Variants in LY86 observed in about 807,000 individuals in gnomAD.
The protein encoded by LY86 is lymphocyte antigen 86, also known as MD-1, RP105-associated.
A neutral mutation model predicts 17.3 loss-of-function variants in LY86; 20 were observed. That is an observed-to-expected ratio of 1.15 (90% CI 0.81 to 1.68). LY86 has a LOEUF of 1.68. Ranked by LOEUF, LY86 falls within the 40% of genes most tolerant of loss-of-function variation. LY86 has a pLI of 0.00. For synonymous variants in LY86, 74 were observed against 70.6 expected, an observed-to-expected ratio of 1.05 and a Z score of -0.24; for missense variants, 200 against 191.9, an observed-to-expected ratio of 1.04 and a Z score of -0.25.
intron 1 of LY86, among the ~76,000 whole-genome samples, chr6:6,605,589 CAT>C (rs770607688): frequency 2.2e-4 from 33 of 152,372 alleles, no homozygotes; most frequent in African/African-American, 4.8e-4. Flanking sequence ...TGACAGCTGT[CAT>C]AGTCTCATGA....
rs114076510 is a variant in LY86, at chr6:6,653,993, T to A, written c.406-551T>A. On this transcript the variant is annotated intron_variant, in intron 4 of 4. Transcript: ENST00000230568. ...GGCGCCAGGGCAGGCCACCCTCTCC[T>A]GACCAGAGTCCCTTTCAGAGTGGAA... 3.6e-3 allele frequency among the ~76,000 whole-genome samples: 543 copies of A among 152,310 alleles called. 2 individuals are homozygous for A. Among genetic ancestry groups the A allele is most frequent in the African/African-American group, 0.012 (519 of 41,568 alleles).
Position 6,588,882 on chromosome 6 carries a change from C to A in LY86, c.136+12C>A. 1 of 1,613,158 alleles carries A rather than the reference C, an allele frequency of 6.2e-7. No individual in the cohort carries two copies. The highest frequency in any genetic ancestry group is 8.5e-7 in the Non-Finnish European group (1 of 1,179,466). On this transcript the variant is annotated intron_variant, in intron 1 of 4. Coordinates refer to ENST00000230568, the MANE Select transcript of LY86 (RefSeq NM_004271.4). Reference sequence around the variant, plus strand: ...CTACCAGAGTTGCGGTAAGCCCTTGCAGTACACCCATGTGTGTTTATGGGG... The same window carrying A: ...CTACCAGAGTTGCGGTAAGCCCTTGAAGTACACCCATGTGTGTTTATGGGG...
chr6:6,638,863 G>A (rs1000629461), intron 3 of LY86, among the ~76,000 whole-genome samples: 19 of 129,154 alleles, frequency 1.5e-4, no homozygotes, highest in African/African-American at 5.8e-4. Context: ...CTGTGTCCAT[G>A]TGTTCTCATT....
intron 1 of LY86, among the ~76,000 whole-genome samples, chr6:6,606,657 C>CAGCT (rs983789560): frequency 6.6e-6 from 1 of 152,178 alleles, no homozygotes; most frequent in Non-Finnish European, 1.5e-5. Context: ...TTGAGCACAG[C>CAGCT]AGCTACTGGC....
At position 6,624,938 on chromosome 6, in the gene LY86, AT is replaced by A; in HGVS notation, c.153del (p.Phe51LeufsTer12). The part of the protein sequence containing the change: ...VLYQSCDPLQ[D>X]FGFSVEKCSK... Reference sequence around the variant, plus strand: ...TTCTTCTTCGTAGATCCATTACAAGATTTTGGCTTTTCTGTTGAAAAGTGTT... The same window carrying A: ...TTCTTCTTCGTAGATCCATTACAAGATTTGGCTTTTCTGTTGAAAAGTGTT... On this transcript the variant is annotated frameshift_variant, in exon 2 of 5. Transcript: ENST00000230568. LOFTEE classifies it high-confidence loss of function. 2 of 1,547,478 alleles carry A rather than the reference AT, an allele frequency of 1.3e-6. No homozygotes were observed. The highest frequency in any genetic ancestry group is 1.8e-5 in the Admixed American group (1 of 57,010).
At chr6:6,607,657 T>A (rs1255968220) in intron 1 of LY86, among the ~76,000 whole-genome samples, 4 of 151,766 alleles carry the variant, frequency 2.6e-5, no homozygotes, top group African/African-American at 9.7e-5. Flanking sequence ...CCCAGCACTT[T>A]GGGAGGCTGA....
intron 3 of LY86, 142 bp from the exon 4 acceptor site, chr6:6,649,483 G>GGGTGGTCGCC: frequency 2.2e-6 from 1 of 455,394 alleles, no homozygotes; most frequent in Non-Finnish European, 3.8e-6. Context: ...GTGTAGATCA[G>GGGTGGTCGCC]GAAATGAAAA....
chr6:6,611,443 C>T (rs894261130), intron 1 of LY86, among the ~76,000 whole-genome samples: 7 of 152,184 alleles, frequency 4.6e-5, no homozygotes, highest in African/African-American at 1.7e-4. Flanking sequence ...CTAATACATA[C>T]GTAGGGCTCA....
intron 1 of LY86, among the ~76,000 whole-genome samples, chr6:6,607,913 TAAA>T (rs955844102): frequency 1.3e-5 from 2 of 149,782 alleles, no homozygotes; most frequent in African/African-American, 2.5e-5. Flanking sequence ...AAAATAAAAA[TAAA>T]AAAATAAATC....
At chr6:6,628,991 G>C (rs1206905567) in intron 3 of LY86, among the ~76,000 whole-genome samples, 1 of 152,176 alleles carries the variant, frequency 6.6e-6, no homozygotes, top group Non-Finnish European at 1.5e-5. Flanking sequence ...GCCTGCGTAT[G>C]GTTTTAATAG....
At position 6,637,683 on chromosome 6, in the gene LY86, C is replaced by A. The variant is rs952804848; in HGVS notation, c.352+11262C>A. Among the ~76,000 whole-genome samples the A allele has an allele frequency of 2.6e-5, 4 of 152,244 alleles. No homozygotes were observed. In the South Asian group the frequency reaches 8.3e-4, roughly 32 times the overall value. On this transcript the variant is annotated intron_variant, in intron 3 of 4. Coordinates refer to ENST00000230568, the MANE Select transcript of LY86 (RefSeq NM_004271.4). ...TTTAAGAAACTAAACATCCCGAGAG[C>A]CCTGAGTGTGTGAGCCCGGAGCCCC...
At chr6:6,614,302 G>A (rs1761492058) in intron 1 of LY86, among the ~76,000 whole-genome samples, 1 of 152,066 alleles carries the variant, frequency 6.6e-6, no homozygotes, top group South Asian at 2.1e-4. Context: ...AGCTTATTCG[G>A]CTACAAAAGA....
intron 3 of LY86, among the ~76,000 whole-genome samples, chr6:6,637,153 GAGGCGCCCGCCA>G (rs1258398309): frequency 6.6e-6 from 1 of 151,836 alleles, no homozygotes; most frequent in Non-Finnish European, 1.5e-5. Context: ...GCTGGGACTA[GAGGCGCCCGCCA>G]TCACGCTCGG....
At chr6:6,597,975 T>A (rs1760768469) in intron 1 of LY86, among the ~76,000 whole-genome samples, 1 of 152,246 alleles carries the variant, frequency 6.6e-6, no homozygotes, top group South Asian at 2.1e-4. Flanking sequence ...ATTATCAGGA[T>A]TCCTTTTGCT....
At chr6:6,604,037 A>G (rs1362532946) in intron 1 of LY86, among the ~76,000 whole-genome samples, 1 of 152,234 alleles carries the variant, frequency 6.6e-6, no homozygotes, top group African/African-American at 2.4e-5. Context: ...TACTACCTTC[A>G]TAGTTCAAAA....
intron 1 of LY86, among the ~76,000 whole-genome samples, chr6:6,613,216 C>T (rs1169919513): frequency 2.0e-5 from 3 of 146,966 alleles, no homozygotes; most frequent in Admixed American, 6.6e-5. Context: ...TGGCTTCACC[C>T]AGTGGATCCG....
rs376974465 is a variant in LY86, at chr6:6,595,351, AGAG to A, written c.136+6485_136+6487del. 5.3e-3 allele frequency among the ~76,000 whole-genome samples: 555 copies of A among 105,478 alleles called. 1 individual carries two copies. Among genetic ancestry groups the A allele is most frequent in the Middle Eastern group, 0.025 (6 of 236 alleles). 69.2% of individuals were successfully genotyped at this position (105,478 alleles called of 152,430 possible). A position where few individuals can be genotyped will look rare whatever the true frequency, so the allele number is the denominator to read the frequency against. On this transcript the variant is annotated intron_variant, in intron 1 of 4. Transcript: ENST00000230568. ...GAAGAGGAGAGAAATGAGAAGCAGG[AGAG>A]GAGAAGGGGAGAAGAAAGAAGAGAG...
intron 1 of LY86, among the ~76,000 whole-genome samples, chr6:6,593,466 G>A (rs998723090): frequency 6.6e-6 from 1 of 152,162 alleles, no homozygotes; most frequent in African/African-American, 2.4e-5. Flanking sequence ...ACATCTTTGG[G>A]GACCATTATT....
chr6:6,632,192 G>A (rs1761907308), intron 3 of LY86, among the ~76,000 whole-genome samples: 1 of 152,180 alleles, frequency 6.6e-6, no homozygotes, highest in Non-Finnish European at 1.5e-5. Flanking sequence ...TAGATTTGGG[G>A]CAAAAGGGAC....
Sources: allele counts gnomAD v4.1 joint callset (sites outside exome capture counted in the v4.1 genomes callset), GRCh38; gene constraint gnomAD v4.1.1; transcripts MANE v1.5; gene names NCBI Gene and HGNC (gene_info 2026-07-23, HGNC 2026-07-21).